DNAH14: variants seen among roughly 807,000 people sequenced by gnomAD.
DNAH14 encodes axonemal beta dynein heavy chain 14.
DNAH14 carries 478 observed loss-of-function variants against 520.9 expected under a neutral mutation model. The ratio of observed to expected loss-of-function variants is 0.92; its 90% CI spans 0.85 to 0.99. DNAH14 has a LOEUF of 0.99. DNAH14 is among the 50% of genes least tolerant of loss of function. The probability of loss-of-function intolerance (pLI) is 0.00; values close to 1 mark genes in which losing one functional copy is unlikely to be tolerated. For missense variants in DNAH14, 4,831 were observed against 5,234.5 expected (o/e 0.92, Z 2.38); for synonymous variants, 1,581 against 1,757.2 (o/e 0.90, Z 2.51).
At chr1:225,326,375 A>G (rs2094669421) in intron 64 of DNAH14, among the ~76,000 whole-genome samples, 3 of 152,202 alleles carry the variant, frequency 2.0e-5, no homozygotes, top group Admixed American at 2.0e-4. Context: ...CCAGTGTGGC[A>G]TAGGCACCAA....
At chr1:224,959,043 G>A (rs2060687356) in intron 3 of DNAH14, among the ~76,000 whole-genome samples, 1 of 152,080 alleles carries the variant, frequency 6.6e-6, no homozygotes, top group South Asian at 2.1e-4. Flanking sequence ...TAAATGGAGT[G>A]TGGGAATATA....
intron 69 of DNAH14, among the ~76,000 whole-genome samples, chr1:225,343,362 T>C (rs2095230951): frequency 6.6e-6 from 1 of 152,192 alleles, no homozygotes; most frequent in Non-Finnish European, 1.5e-5. Context: ...TACGAGACTT[T>C]ACATTTTGTT....
At chr1:225,030,438 G>A (rs546603546) in intron 11 of DNAH14, among the ~76,000 whole-genome samples, 4 of 151,850 alleles carry the variant, frequency 2.6e-5, no homozygotes, top group South Asian at 2.1e-4. Flanking sequence ...TTTGGTTTCC[G>A]ATCTAAAGCA....
chr1:225,251,177 C>CT lies in DNAH14; in HGVS notation c.6749-1111dup, dbSNP rs35025436. Reference sequence around the variant, plus strand: ...TAAATATAAATTGTAAAACTATAAACTTTTTTTTTTTTTGAGATGGAGTCT... The same window carrying CT: ...TAAATATAAATTGTAAAACTATAAACTTTTTTTTTTTTTTGAGATGGAGTCT... On this transcript the variant is annotated intron_variant, in intron 43 of 85. Coordinates refer to ENST00000682510, the MANE Select transcript of DNAH14 (RefSeq NM_001367479.1). Among the ~76,000 whole-genome samples, 141 of 145,934 alleles carry CT rather than the reference C, an allele frequency of 9.7e-4. 1 individual carries two copies. The highest frequency in any genetic ancestry group is 1.5e-3 in the South Asian group (7 of 4,612).
chr1:224,932,394 T>C (rs1054209352), intron 1 of DNAH14, among the ~76,000 whole-genome samples: 21 of 152,130 alleles, frequency 1.4e-4, no homozygotes, highest in Non-Finnish European at 1.3e-4. Flanking sequence ...TTTTTTCTCC[T>C]ATTGAACAGG....
At chr1:225,209,966 G>A (rs1402224091) in intron 41 of DNAH14, among the ~76,000 whole-genome samples, 2 of 152,094 alleles carry the variant, frequency 1.3e-5, no homozygotes, top group Non-Finnish European at 2.9e-5. Context: ...GTGCATTCTG[G>A]CCCAGATACT....
chr1:225,389,645 A>T, intron 82 of DNAH14, 89 bp from the exon 83 acceptor site: 1 of 1,404,350 alleles, frequency 7.1e-7, no homozygotes, highest in Admixed American at 2.5e-5. Flanking sequence ...AAAGTAAAAG[A>T]AGGGCCCTGG....
At chr1:225,210,616 G>A (rs1257114768) in intron 41 of DNAH14, among the ~76,000 whole-genome samples, 1 of 152,078 alleles carries the variant, frequency 6.6e-6, no homozygotes, top group Admixed American at 6.5e-5. Flanking sequence ...TGTCTCAGAA[G>A]AGAGCAGTGG....
chr1:224,968,778 G>A lies in DNAH14; in HGVS notation c.671G>A (p.Ser224Asn). 1 of 1,518,098 alleles carries A rather than the reference G, an allele frequency of 6.6e-7. No individual in the cohort carries two copies. Among genetic ancestry groups the A allele is most frequent in the Non-Finnish European group, 8.8e-7 (1 of 1,130,286 alleles). 94.0% of individuals were successfully genotyped at this position (1,518,098 alleles called of 1,614,324 possible). Residue 224 changes from serine (S) to asparagine (N), a missense_variant, in exon 7 of 86, where the codon AGT becomes AAT. Coordinates refer to ENST00000682510, the MANE Select transcript of DNAH14 (RefSeq NM_001367479.1). ...TTGTAGGTTATTAATATAGTTGGTAGTGTAAAGGAAGTAGAACTCATACCT... is the reference window on the plus strand; with the variant it reads ...TTGTAGGTTATTAATATAGTTGGTAATGTAAAGGAAGTAGAACTCATACCT... ...FISKVINIVGSVKEVELIPTL... is the reference protein window; with the variant it reads ...FISKVINIVGNVKEVELIPTL...
In DNAH14 at chr1:224,945,803, C is replaced by T. The variant is rs924433232; in HGVS notation, c.-33-6867C>T. Among the ~76,000 whole-genome samples, 7 of 152,294 alleles carry T rather than the reference C, an allele frequency of 4.6e-5. No homozygotes were observed. In the East Asian group the frequency reaches 5.8e-4, roughly 13 times the overall value. On this transcript the variant is annotated intron_variant, in intron 1 of 85. Coordinates refer to ENST00000682510, the MANE Select transcript of DNAH14 (RefSeq NM_001367479.1). ...ATCAGCAGCAGAGGCCACAGAACAG[C>T]GGATATTGGTGAACAGCAAATGTTG...
intron 77 of DNAH14, among the ~76,000 whole-genome samples, chr1:225,374,266 A>ATTTTT (rs1368553950): frequency 6.1e-5 from 2 of 32,944 alleles, no homozygotes; most frequent in African/African-American, 1.4e-4. Flanking sequence ...ATATATATAT[A>ATTTTT]TATATTTTTT....
chr1:225,282,035 T>C (rs2149925623), intron 54 of DNAH14, among the ~76,000 whole-genome samples: 1 of 152,336 alleles, frequency 6.6e-6, no homozygotes. Flanking sequence ...GTGATGATCA[T>C]TTAACAATGT....
At chr1:225,006,835 C>T (rs887008972) in intron 9 of DNAH14, among the ~76,000 whole-genome samples, 2 of 152,236 alleles carry the variant, frequency 1.3e-5, no homozygotes, top group Middle Eastern at 3.4e-3. Context: ...CGTACACTCC[C>T]TCCCCTTTTG....
chr1:225,009,005 T>G (rs2064448024), intron 10 of DNAH14, among the ~76,000 whole-genome samples: 2 of 152,052 alleles, frequency 1.3e-5, no homozygotes, highest in Admixed American at 1.3e-4. Flanking sequence ...ATTCTGGATA[T>G]TAGCCCTTTG....
chr1:224,979,556 TAGGCCACA>T lies in DNAH14; in HGVS notation c.830+5407_830+5414del, dbSNP rs143922617. Among the ~76,000 whole-genome samples the T allele has an allele frequency of 1.1e-3, 172 of 152,254 alleles. 1 individual carries two copies. The East Asian group carries it at 0.027, about 24-fold the overall frequency. Reference sequence around the variant, plus strand: ...TCCTAAATAAACTTGAAAGGCAGTATAGGCCACAAGGACCACAATTCTTGAACAAGTCC... The same window carrying T: ...TCCTAAATAAACTTGAAAGGCAGTATAGGACCACAATTCTTGAACAAGTCC... On this transcript the variant is annotated intron_variant, in intron 8 of 85. Transcript: ENST00000682510.
At chr1:225,173,551 C>T (rs1398628918) in intron 36 of DNAH14, among the ~76,000 whole-genome samples, 1 of 152,138 alleles carries the variant, frequency 6.6e-6, no homozygotes, top group Non-Finnish European at 1.5e-5. Flanking sequence ...AAATCAAAAC[C>T]ACAATGAGAT....
intron 54 of DNAH14, among the ~76,000 whole-genome samples, chr1:225,281,025 A>G (rs545862365): frequency 6.6e-6 from 1 of 152,360 alleles, no homozygotes; most frequent in Admixed American, 6.5e-5. Context: ...AAGAATAATG[A>G]GCACCAATAA....
At chr1:225,357,157 T>TAG (rs2095438734) in intron 73 of DNAH14, among the ~76,000 whole-genome samples, 1 of 152,066 alleles carries the variant, frequency 6.6e-6, no homozygotes, top group African/African-American at 2.4e-5. Flanking sequence ...GCCACTGCTA[T>TAG]AGCCTATTGG....
intron 79 of DNAH14, among the ~76,000 whole-genome samples, chr1:225,379,512 T>C (rs922867941): frequency 6.6e-6 from 1 of 152,114 alleles, no homozygotes; most frequent in Non-Finnish European, 1.5e-5. Context: ...TTATTTTATT[T>C]TCCTTTCCTT....
Sources: allele counts gnomAD v4.1 joint callset (sites outside exome capture counted in the v4.1 genomes callset), GRCh38; gene constraint gnomAD v4.1.1; transcripts MANE v1.5; gene names NCBI Gene and HGNC (gene_info 2026-07-23, HGNC 2026-07-21).